Variants in HRK observed in about 807,000 individuals in gnomAD.
HRK encodes harakiri, BCL2 interacting protein, also known as activator of apoptosis harakiri.
Under a neutral mutation model 5.9 loss-of-function variants are expected in HRK, and 6 were observed. The ratio of observed to expected loss-of-function variants is 1.02; its 90% confidence interval spans 0.56 to 2.01. The LOEUF (loss-of-function observed/expected upper bound fraction) is 2.01, where lower values mean the gene tolerates loss of function less well. Ranked by LOEUF, HRK falls within the 30% of genes most tolerant of loss-of-function variation. The pLI is 0.00. For synonymous variants in HRK, 85 were observed against 65.1 expected, an observed-to-expected ratio of 1.31 and a Z score of -1.47; for missense variants, 133 against 128.3, an observed-to-expected ratio of 1.04 and a Z score of -0.18.
Position 116,860,788 on chromosome 12 carries a change from A to C in HRK, c.*735T>G, listed in dbSNP as rs1878333850. 1 of 152,296 alleles carries C rather than the reference A, an allele frequency of 6.6e-6. No homozygotes were observed. Among genetic ancestry groups the C allele is most frequent in the Non-Finnish European group, 1.5e-5 (1 of 68,052 alleles). The allele number at this position is 152,296 out of a possible 1,614,324, so 9.4% of individuals were successfully genotyped here. A position where few individuals can be genotyped will look rare whatever the true frequency, so the allele number is the denominator to read the frequency against. On this transcript the variant is annotated 3_prime_UTR_variant, in exon 2 of 2. Coordinates refer to ENST00000257572, the MANE Select transcript of HRK (RefSeq NM_003806.4). ...CCTGGCCTTCCAAGTCTGTCAACAG[A>C]ATACCACAGCAGCACCAGCAGGAAC...
intron 1 of HRK, among the ~76,000 whole-genome samples, chr12:116,865,743 C>T (rs113510995): frequency 9.2e-5 from 14 of 152,268 alleles, no homozygotes; most frequent in East Asian, 7.7e-4. Flanking sequence ...CATTTGTATA[C>T]GCCATGTCTC....
Position 116,881,022 on chromosome 12 carries a change from C to A in HRK, c.*10G>T. The A allele has an allele frequency of 7.5e-7, 1 of 1,330,348 alleles. No homozygotes were observed. Among genetic ancestry groups the A allele is most frequent in the Non-Finnish European group, 9.6e-7 (1 of 1,043,468 alleles). The allele number at this position is 1,330,348 out of a possible 1,614,324, so 82.4% of individuals were successfully genotyped here. On this transcript the variant is annotated 3_prime_UTR_variant, in exon 1 of 2. Transcript: ENST00000257572. ...TCTCGGCTCCGGCCCCACCAAGAAG[C>A]CCCGCGTTCCTACAAGTTCCGCCTG...
At position 116,856,923 on chromosome 12, in the gene HRK, G is replaced by A. The variant is rs1162850239; in HGVS notation, c.*4600C>T. On this transcript the variant is annotated 3_prime_UTR_variant, in exon 2 of 2. Transcript: ENST00000257572. This position sits in a 1 kb window ranked among gnomAD's most constrained non-coding sequence, Gnocchi z 4.4. ...CATCGCGGAGGGGAAGACGGGTAAA[G>A]CACTTCGCCCAGTGCTTGGGAGTGG... The A allele has an allele frequency of 6.6e-6, 1 of 152,314 alleles. No individual in the cohort carries two copies. Among genetic ancestry groups the A allele is most frequent in the African/African-American group, 2.4e-5 (1 of 41,474 alleles). 9.4% of individuals were successfully genotyped at this position (152,314 alleles called of 1,614,324 possible). A position where few individuals can be genotyped will look rare whatever the true frequency, so the allele number is the denominator to read the frequency against.
At position 116,859,679 on chromosome 12, in the gene HRK, G is replaced by C. The variant is rs1002299265; in HGVS notation, c.*1844C>G. The C allele has an allele frequency of 6.6e-6, 1 of 151,422 alleles. No homozygotes were observed. The highest frequency in any genetic ancestry group is 1.5e-5 in the Non-Finnish European group (1 of 67,872). The allele number at this position is 151,422 out of a possible 1,614,324, so 9.4% of individuals were successfully genotyped here. Reference sequence around the variant, plus strand: ...TTTGCTGAGTTCAAAGCTGCGGGGTGGGGGAGTCTTCCCTGGCATTCAGCA... The same window carrying C: ...TTTGCTGAGTTCAAAGCTGCGGGGTCGGGGAGTCTTCCCTGGCATTCAGCA... On this transcript the variant is annotated 3_prime_UTR_variant, in exon 2 of 2. Transcript: ENST00000257572.
intron 1 of HRK, among the ~76,000 whole-genome samples, chr12:116,872,592 T>C (rs1052211689): frequency 6.6e-6 from 1 of 151,096 alleles, no homozygotes; most frequent in African/African-American, 2.4e-5. Context: ...CTGGGCAACA[T>C]AGCAAAACCC....
intron 1 of HRK, among the ~76,000 whole-genome samples, chr12:116,866,069 A>G (rs754041065): frequency 1.3e-5 from 2 of 149,626 alleles, no homozygotes; most frequent in Non-Finnish European, 3.0e-5. Flanking sequence ...GAGACAGGAG[A>G]ATCACTTAAA....
rs1878343662 is a variant in HRK, at chr12:116,860,978, C to T, written c.*545G>A. On this transcript the variant is annotated 3_prime_UTR_variant, in exon 2 of 2. Coordinates refer to ENST00000257572, the MANE Select transcript of HRK (RefSeq NM_003806.4). ...CCCAGACTGCCCCTACACAATCGGT[C>T]CCAAGTCCTCACTTTTTTTTTCTAT... 6.6e-6 allele frequency: 1 copy of T among 152,138 alleles called. No individual in the cohort carries two copies. 9.4% of individuals were successfully genotyped at this position (152,138 alleles called of 1,614,324 possible).
At chr12:116,870,296 C>T (rs1318200804) in intron 1 of HRK, among the ~76,000 whole-genome samples, 1 of 152,140 alleles carries the variant, frequency 6.6e-6, no homozygotes, top group Non-Finnish European at 1.5e-5. Flanking sequence ...TTCCTGCCCC[C>T]AGGATGATAG....
Position 116,869,916 on chromosome 12 carries a change from C to T in HRK, c.*57-8450G>A, listed in dbSNP as rs572224273. Among the ~76,000 whole-genome samples the T allele has an allele frequency of 3.2e-4, 48 of 152,102 alleles. 2 individuals carry two copies. In the South Asian group the frequency reaches 1.0e-2, roughly 32 times the overall value. On this transcript the variant is annotated intron_variant, in intron 1 of 1. Coordinates refer to ENST00000257572, the MANE Select transcript of HRK (RefSeq NM_003806.4). ...GCCAACATGGTAAACCCCTTCTCTACTAAAAATACAAAAATTAGCTGGGCG... is the reference window on the plus strand; with the variant it reads ...GCCAACATGGTAAACCCCTTCTCTATTAAAAATACAAAAATTAGCTGGGCG...
At position 116,859,702 on chromosome 12, in the gene HRK, G is replaced by A. The variant is rs1247758370; in HGVS notation, c.*1821C>T. 6.6e-6 allele frequency: 1 copy of A among 150,888 alleles called. No individual in the cohort carries two copies. Among genetic ancestry groups the A allele is most frequent in the Admixed American group, 6.7e-5 (1 of 15,028 alleles). 9.3% of individuals were successfully genotyped at this position (150,888 alleles called of 1,614,324 possible). A position where few individuals can be genotyped will look rare whatever the true frequency, so the allele number is the denominator to read the frequency against. ...GTGGGGGAGTCTTCCCTGGCATTCA[G>A]CAGCCCTGGGGTTGCATTTCTCTTT... is the stretch of plus-strand genomic sequence containing the variant. On this transcript the variant is annotated 3_prime_UTR_variant, in exon 2 of 2. Transcript: ENST00000257572.
chr12:116,881,283 C>G lies in HRK; in HGVS notation c.25G>C (p.Gly9Arg). 1 of 1,074,138 alleles carries G rather than the reference C, an allele frequency of 9.3e-7. No homozygotes were observed. The highest frequency in any genetic ancestry group is 1.1e-6 in the Non-Finnish European group (1 of 889,068). 66.5% of individuals were successfully genotyped at this position (1,074,138 alleles called of 1,614,324 possible). A position where few individuals can be genotyped will look rare whatever the true frequency, so the allele number is the denominator to read the frequency against. MCPCPLHR[G>R]RGPPAVCACS... ...GCGCACACGGCCGGGGGGCCGCGGC[C>G]GCGGTGCAGGGGGCACGGGCACATG... Residue 9 changes from glycine to arginine, a missense_variant, in exon 1 of 2, where the codon GGC becomes CGC. Coordinates refer to ENST00000257572, the MANE Select transcript of HRK (RefSeq NM_003806.4).
rs1330940163 is a variant in HRK, at chr12:116,856,942, G to T, written c.*4581C>A. 6.6e-6 allele frequency: 1 copy of T among 152,284 alleles called. No homozygotes were observed. Among genetic ancestry groups the T allele is most frequent in the Non-Finnish European group, 1.5e-5 (1 of 68,068 alleles). The allele number at this position is 152,284 out of a possible 1,614,324, so 9.4% of individuals were successfully genotyped here. A position where few individuals can be genotyped will look rare whatever the true frequency, so the allele number is the denominator to read the frequency against. On this transcript the variant is annotated 3_prime_UTR_variant, in exon 2 of 2. Transcript: ENST00000257572. This position sits in a 1 kb window ranked among gnomAD's most constrained non-coding sequence, Gnocchi z 4.4. ...GGTAAAGCACTTCGCCCAGTGCTTGGGAGTGGCGAGCACGCCATAAAAGGT... is the reference window on the plus strand; with the variant it reads ...GGTAAAGCACTTCGCCCAGTGCTTGTGAGTGGCGAGCACGCCATAAAAGGT...
At chr12:116,880,902 C>G in intron 1 of HRK, 74 bp downstream of exon 1, 1 of 599,532 alleles carries the variant, frequency 1.7e-6, no homozygotes, top group South Asian at 6.8e-5. Flanking sequence ...TTGCCACTCT[C>G]CCGCTCCCGG....
intron 1 of HRK, among the ~76,000 whole-genome samples, chr12:116,870,789 C>A (rs1029868220): frequency 6.6e-6 from 1 of 152,156 alleles, no homozygotes; most frequent in Non-Finnish European, 1.5e-5. Flanking sequence ...AACAGAGAGA[C>A]CCTGTCTCAA....
At position 116,881,053 on chromosome 12, in the gene HRK, C is replaced by A; in HGVS notation, c.255G>T (p.Leu85=). The change falls in exon 1 of 2, where the codon CTG becomes CTT. Residue 85 remains leucine (L), a synonymous_variant. Transcript: ENST00000257572. ...AAQVAALAAW[L]LGRRNL is the part of the protein sequence containing the mutation. ...GTTCCTACAAGTTCCGCCTGCCGAGCAGCCAGGCCGCCAGCGCCGCCACCT... is the reference window on the plus strand; with the variant it reads ...GTTCCTACAAGTTCCGCCTGCCGAGAAGCCAGGCCGCCAGCGCCGCCACCT... 7.4e-7 allele frequency: 1 copy of A among 1,359,098 alleles called. No individual in the cohort carries two copies. Among genetic ancestry groups the A allele is most frequent in the Non-Finnish European group, 9.5e-7 (1 of 1,055,916 alleles). The allele number at this position is 1,359,098 out of a possible 1,614,324, so 84.2% of individuals were successfully genotyped here.
intron 1 of HRK, among the ~76,000 whole-genome samples, chr12:116,870,062 A>G (rs1269687617): frequency 6.6e-6 from 1 of 151,840 alleles, no homozygotes; most frequent in African/African-American, 2.4e-5. Flanking sequence ...CCTGGGCAAC[A>G]GAGTGAGACT....
At chr12:116,871,739 C>T (rs1308825299) in intron 1 of HRK, among the ~76,000 whole-genome samples, 3 of 150,660 alleles carry the variant, frequency 2.0e-5, no homozygotes, top group African/African-American at 7.3e-5. Context: ...GCGATCCTCC[C>T]ATCTCAGCCT....
At chr12:116,866,123 A>T (rs1305982251) in intron 1 of HRK, among the ~76,000 whole-genome samples, 1 of 128,216 alleles carries the variant, frequency 7.8e-6, no homozygotes, top group Non-Finnish European at 1.6e-5. Flanking sequence ...GTACCATTGC[A>T]CTCCAGCCTG....
At chr12:116,873,101 A>G (rs1407520807) in intron 1 of HRK, among the ~76,000 whole-genome samples, 1 of 152,096 alleles carries the variant, frequency 6.6e-6, no homozygotes, top group Non-Finnish European at 1.5e-5. Context: ...TCCAGAGGCA[A>G]GACTACAATT....
Sources: gnomAD v4.1 joint callset for allele counts (sites outside exome capture counted in the v4.1 genomes callset) on GRCh38, gnomAD v4.1.1 for gene constraint, Gnocchi (gnomAD v3.1) non-coding constraint, MANE v1.5 for transcripts, NCBI Gene and HGNC (gene_info 2026-07-23, HGNC 2026-07-21) for gene names.